Variants in CSMD1 observed in about 807,000 individuals in gnomAD.
CSMD1 encodes the protein CUB and Sushi multiple domains 1.
CSMD1 carries 213 observed loss-of-function variants against 417.5 expected under a neutral mutation model. That is an observed-to-expected ratio of 0.51 (90% CI 0.46 to 0.57). The LOEUF (loss-of-function observed/expected upper bound fraction) is 0.57, where lower values mean the gene tolerates loss of function less well. Among genes scored for constraint, CSMD1 ranks in the 20% least tolerant of loss-of-function variants. The probability of loss-of-function intolerance (pLI) is 0.00; values close to 1 mark genes in which losing one functional copy is unlikely to be tolerated. For missense variants in CSMD1, 6,923 were observed against 4,529.7 expected (o/e 1.53, Z -15.17); for synonymous variants, 2,862 against 1,736.8 (o/e 1.65, Z -16.11).
At chr8:4,960,602 T>C (rs764690371) in intron 1 of CSMD1, among the ~76,000 whole-genome samples, 48 of 152,178 alleles carry the variant, frequency 3.2e-4, no homozygotes, top group Admixed American at 1.6e-3. Flanking sequence ...TGCCAGTGCA[T>C]ACATACAGTC....
In CSMD1 at chr8:3,650,929, G is replaced by C. The variant is rs140982404; in HGVS notation, c.1010-34132C>G. Among the ~76,000 whole-genome samples the C allele has an allele frequency of 5.9e-5, 9 of 152,200 alleles. No homozygotes were observed. The East Asian group carries it at 1.7e-3, about 29-fold the overall frequency. ...TCAGACTTCTGGTCTCTCCGACTCCGATCTTGCAAGCCTGCTTCGCCCACT... is the reference window on the plus strand; with the variant it reads ...TCAGACTTCTGGTCTCTCCGACTCCCATCTTGCAAGCCTGCTTCGCCCACT... On this transcript the variant is annotated intron_variant, in intron 7 of 69. Coordinates refer to ENST00000635120, the MANE Select transcript of CSMD1 (RefSeq NM_033225.6).
chr8:4,904,273 G>A (rs927119843), intron 1 of CSMD1, among the ~76,000 whole-genome samples: 1 of 152,016 alleles, frequency 6.6e-6, no homozygotes, highest in African/African-American at 2.4e-5. Flanking sequence ...GTGGATTTTA[G>A]GAACAATGAA....
intron 3 of CSMD1, among the ~76,000 whole-genome samples, chr8:4,223,120 T>G (rs187724339): frequency 1.3e-5 from 2 of 151,886 alleles, no homozygotes; most frequent in African/African-American, 4.8e-5. Flanking sequence ...TAGTAGCAAG[T>G]GGCTCAGTAA....
chr8:3,559,852 A>G (rs1471326322), intron 10 of CSMD1, among the ~76,000 whole-genome samples: 1 of 152,182 alleles, frequency 6.6e-6, no homozygotes, highest in African/African-American at 2.4e-5. Flanking sequence ...GACTACTAAG[A>G]GGCCCCTAGA....
At chr8:4,441,123 G>GATA (rs1265079473) in intron 2 of CSMD1, among the ~76,000 whole-genome samples, 1 of 13,634 alleles carries the variant, frequency 7.3e-5, no homozygotes. Flanking sequence ...TTTTTTAAGA[G>GATA]ATAGGGTCTC....
intron 2 of CSMD1, among the ~76,000 whole-genome samples, chr8:4,603,681 A>T (rs1246583445): frequency 6.6e-6 from 1 of 152,150 alleles, no homozygotes; most frequent in Non-Finnish European, 1.5e-5. Flanking sequence ...GTCACATTAA[A>T]AACAGTGATT....
At chr8:3,607,964 G>T (rs973742965) in intron 8 of CSMD1, among the ~76,000 whole-genome samples, 3 of 152,148 alleles carry the variant, frequency 2.0e-5, no homozygotes, top group African/African-American at 7.2e-5. Flanking sequence ...GAGGTCAGGA[G>T]TTCAAGACCA....
intron 2 of CSMD1, among the ~76,000 whole-genome samples, chr8:4,568,594 T>C (rs1384118377): frequency 1.3e-5 from 2 of 152,196 alleles, no homozygotes; most frequent in Non-Finnish European, 2.9e-5. Flanking sequence ...TGTGCATGCA[T>C]CTTCATAATA....
At chr8:3,803,353 C>A (rs143773212) in intron 5 of CSMD1, among the ~76,000 whole-genome samples, 1 of 152,120 alleles carries the variant, frequency 6.6e-6, no homozygotes, top group African/African-American at 2.4e-5. Context: ...CAAGACAAGA[C>A]AAGACTTGAA....
intron 5 of CSMD1, among the ~76,000 whole-genome samples, chr8:3,895,872 C>T (rs994223853): frequency 1.3e-5 from 2 of 152,184 alleles, no homozygotes; most frequent in African/African-American, 2.4e-5. Context: ...TGGGAATAGT[C>T]AGGTTAACCT....
intron 2 of CSMD1, among the ~76,000 whole-genome samples, chr8:4,506,579 A>AAGTCACTACC (rs1318768759): frequency 6.6e-6 from 1 of 152,110 alleles, no homozygotes; most frequent in Non-Finnish European, 1.5e-5. Context: ...CACGGAGAGG[A>AAGTCACTACC]AGTCACTACC....
intron 23 of CSMD1, among the ~76,000 whole-genome samples, chr8:3,320,888 T>G (rs1017162024): frequency 3.9e-5 from 6 of 152,188 alleles, no homozygotes; most frequent in African/African-American, 9.7e-5. Flanking sequence ...GCCCCTGACA[T>G]GCATATTCTG....
At chr8:4,451,705 A>G (rs1310217166) in intron 2 of CSMD1, among the ~76,000 whole-genome samples, 1 of 152,132 alleles carries the variant, frequency 6.6e-6, no homozygotes, top group East Asian at 1.9e-4. Context: ...TCTTCCAGGC[A>G]AAGCTTTTTA....
In CSMD1 at chr8:2,957,682, G is replaced by A. The variant is rs750875474; in HGVS notation, c.9814+14C>T. On this transcript the variant is annotated intron_variant, in intron 63 of 69. Coordinates refer to ENST00000635120, the MANE Select transcript of CSMD1 (RefSeq NM_033225.6). ...TAGGTGACTTGTGATGGGGGTGGAA[G>A]AAATCACACTTACGTATACATTCGG... 1.3e-6 allele frequency: 2 copies of A among 1,504,552 alleles called. No individual in the cohort carries two copies. The highest frequency in any genetic ancestry group is 1.8e-6 in the Non-Finnish European group (2 of 1,096,818). The allele number at this position is 1,504,552 out of a possible 1,614,324, so 93.2% of individuals were successfully genotyped here. A position where few individuals can be genotyped will look rare whatever the true frequency, so the allele number is the denominator to read the frequency against.
chr8:4,979,910 C>T (rs535101105), intron 1 of CSMD1, among the ~76,000 whole-genome samples: 12 of 152,046 alleles, frequency 7.9e-5, no homozygotes, highest in South Asian at 2.1e-4. Flanking sequence ...TGAAGGTGGG[C>T]GCCAGTACTC....
chr8:4,840,224 T>C (rs955399129), intron 1 of CSMD1, among the ~76,000 whole-genome samples: 1 of 16,318 alleles, frequency 6.1e-5, no homozygotes, highest in Admixed American at 9.6e-4. Context: ...GTCTTTCCTC[T>C]GCCACCATCA....
At chr8:3,528,699 G>T (rs964221215) in intron 10 of CSMD1, among the ~76,000 whole-genome samples, 1 of 152,210 alleles carries the variant, frequency 6.6e-6, no homozygotes, top group Admixed American at 6.5e-5. Flanking sequence ...AAAAATGTCA[G>T]TGCATATGGA....
intron 5 of CSMD1, among the ~76,000 whole-genome samples, chr8:3,838,710 A>ATAATATATAATAAAT (rs1802878559): frequency 1.3e-5 from 1 of 79,014 alleles, no homozygotes; most frequent in Non-Finnish European, 2.1e-5. Flanking sequence ...ATTATATAGT[A>ATAATATATAATAAAT]TAATATATAA....
intron 2 of CSMD1, among the ~76,000 whole-genome samples, chr8:4,560,895 G>C (rs1355911945): frequency 6.6e-6 from 1 of 151,970 alleles, no homozygotes; most frequent in Admixed American, 6.5e-5. Flanking sequence ...CTTCCTCCTA[G>C]GACTCAAACA....
Sources: gnomAD v4.1 joint callset for allele counts (sites outside exome capture counted in the v4.1 genomes callset) on GRCh38, gnomAD v4.1.1 for gene constraint, MANE v1.5 for transcripts, NCBI Gene and HGNC (gene_info 2026-07-23, HGNC 2026-07-21) for gene names.